GATAD2B: variants seen among roughly 807,000 people sequenced by gnomAD.
GATAD2B encodes transcriptional repressor p66-beta.
Under a neutral mutation model 64.3 loss-of-function variants are expected in GATAD2B, and 8 were observed. That is an observed-to-expected ratio of 0.12 (90% CI 0.07 to 0.22). The LOEUF is 0.22. GATAD2B is among the 10% of genes least tolerant of loss of function. The probability of loss-of-function intolerance (pLI) is 1.00; values close to 1 mark genes in which losing one functional copy is unlikely to be tolerated. For missense variants in GATAD2B, 453 were observed against 752.0 expected, an observed-to-expected ratio of 0.60 and a Z score of 4.65; for synonymous variants, 281 against 271.3, an observed-to-expected ratio of 1.04 and a Z score of -0.35.
intron 1 of GATAD2B, among the ~76,000 whole-genome samples, chr1:153,879,064 C>T (rs888791953): frequency 1.3e-5 from 2 of 152,118 alleles, no homozygotes; most frequent in African/African-American, 2.4e-5. Context: ...CTCAGCCTCC[C>T]GAGTAGCTGG....
chr1:153,821,042 T>A (rs2101884689), intron 2 of GATAD2B, among the ~76,000 whole-genome samples: 1 of 141,010 alleles, frequency 7.1e-6, no homozygotes, highest in South Asian at 2.3e-4. Context: ...CAGGCTGGAG[T>A]GTAGTGGTGC....
chr1:153,831,600 G>C (rs11264439), intron 1 of GATAD2B, among the ~76,000 whole-genome samples: 3,524 of 152,220 alleles, frequency 0.023, 136 homozygotes, highest in African/African-American at 0.078. Context: ...AGTATATTCA[G>C]AGCTGTGCAA....
chr1:153,887,551 C>T (rs971323132), intron 1 of GATAD2B, among the ~76,000 whole-genome samples: 4 of 152,128 alleles, frequency 2.6e-5, no homozygotes, highest in Admixed American at 6.5e-5. Flanking sequence ...AACAAGACTT[C>T]GAGTCCTGAG....
chr1:153,806,105 G>A lies in GATAD2B; in HGVS notation c.*4072C>T, dbSNP rs1202211873. 6.6e-6 allele frequency: 1 copy of A among 152,152 alleles called. No individual in the cohort carries two copies. Among genetic ancestry groups the A allele is most frequent in the Non-Finnish European group, 1.5e-5 (1 of 68,038 alleles). The allele number at this position is 152,152 out of a possible 1,614,324, so 9.4% of individuals were successfully genotyped here. ...ATAAGAAAGCTTGACACTGAATTTT[G>A]TTATATAGGTATATTGTATATATGC... On this transcript the variant is annotated 3_prime_UTR_variant, in exon 11 of 11. Transcript: ENST00000368655.
At chr1:153,858,397 G>A (rs963128299) in intron 1 of GATAD2B, among the ~76,000 whole-genome samples, 1 of 151,978 alleles carries the variant, frequency 6.6e-6, no homozygotes, top group Admixed American at 6.6e-5. Context: ...CAAAAAACAC[G>A]AGTTCAAGAC....
chr1:153,851,449 TAAAA>T (rs1176876480), intron 1 of GATAD2B, among the ~76,000 whole-genome samples: 1 of 151,928 alleles, frequency 6.6e-6, no homozygotes, highest in African/African-American at 2.4e-5. Context: ...CCTTGCCACT[TAAAA>T]AAAATAGCCA....
intron 1 of GATAD2B, among the ~76,000 whole-genome samples, chr1:153,831,580 AATG>A (rs1306528428): frequency 2.6e-5 from 4 of 152,240 alleles, no homozygotes; most frequent in Non-Finnish European, 5.9e-5. Context: ...TGTACAATTC[AATG>A]ATGTTTAGTA....
chr1:153,854,865 A>G (rs1404115826), intron 1 of GATAD2B, among the ~76,000 whole-genome samples: 3 of 152,226 alleles, frequency 2.0e-5, no homozygotes, highest in African/African-American at 7.2e-5. Context: ...CACTGCAGGC[A>G]TTGAGACAAT....
intron 1 of GATAD2B, among the ~76,000 whole-genome samples, chr1:153,867,408 C>G (rs1676514617): frequency 6.6e-6 from 1 of 152,090 alleles, no homozygotes; most frequent in Non-Finnish European, 1.5e-5. Context: ...GCTTGGGAGG[C>G]TGAGGCAAGA....
At position 153,843,814 on chromosome 1, in the gene GATAD2B, C is replaced by CAA. The variant is rs71584146; in HGVS notation, c.-1-15468_-1-15467dup. Among the ~76,000 whole-genome samples, 867 of 120,420 alleles carry CAA rather than the reference C, an allele frequency of 7.2e-3. 5 individuals are homozygous for CAA. Among genetic ancestry groups the CAA allele is most frequent in the South Asian group, 0.025 (93 of 3,736 alleles). 79.0% of individuals were successfully genotyped at this position (120,420 alleles called of 152,430 possible). A position where few individuals can be genotyped will look rare whatever the true frequency, so the allele number is the denominator to read the frequency against. ...CACCTAAAAGAACCACCACCACCAC[C>CAA]AAAAAAAAAAAAAAAAAACCCAAAC... On this transcript the variant is annotated intron_variant, in intron 1 of 10. Coordinates refer to ENST00000368655, the MANE Select transcript of GATAD2B (RefSeq NM_020699.4).
At chr1:153,879,073 G>C (rs1676928064) in intron 1 of GATAD2B, among the ~76,000 whole-genome samples, 1 of 152,100 alleles carries the variant, frequency 6.6e-6, no homozygotes, top group African/African-American at 2.4e-5. Context: ...CCGAGTAGCT[G>C]GGACTACAGG....
At chr1:153,907,220 C>T (rs972535487) in intron 1 of GATAD2B, among the ~76,000 whole-genome samples, 1 of 152,222 alleles carries the variant, frequency 6.6e-6, no homozygotes, top group African/African-American at 2.4e-5. Context: ...TTCACAGCAG[C>T]CTTGTTTGCA....
At chr1:153,845,314 T>C (rs1570952723) in intron 1 of GATAD2B, among the ~76,000 whole-genome samples, 1 of 151,602 alleles carries the variant, frequency 6.6e-6, no homozygotes, top group Non-Finnish European at 1.5e-5. Flanking sequence ...CACAGGAGGC[T>C]GAGGCTGCAG....
At chr1:153,916,045 C>T (rs1481807076) in intron 1 of GATAD2B, among the ~76,000 whole-genome samples, 1 of 151,908 alleles carries the variant, frequency 6.6e-6, no homozygotes, top group African/African-American at 2.4e-5. Flanking sequence ...TTTGGGAGGC[C>T]CAGGTGGGCG....
intron 1 of GATAD2B, among the ~76,000 whole-genome samples, chr1:153,918,382 T>G (rs948886841): frequency 4.6e-5 from 7 of 152,234 alleles, no homozygotes; most frequent in African/African-American, 1.7e-4. Flanking sequence ...TTCAGCAAGT[T>G]TGAGTTTAAA....
rs114053582 is a variant in GATAD2B, at chr1:153,853,084, C to G, written c.-1-24736G>C. On this transcript the variant is annotated intron_variant, in intron 1 of 10. Coordinates refer to ENST00000368655, the MANE Select transcript of GATAD2B (RefSeq NM_020699.4). ...GCATCTTTTGCCCCAGTCACAGCACCTTTGGCATTGGCAACAACCTGAGTT... is the reference window on the plus strand; with the variant it reads ...GCATCTTTTGCCCCAGTCACAGCACGTTTGGCATTGGCAACAACCTGAGTT... The G allele has an allele frequency of 1.6e-3, 2,481 of 1,510,892 alleles. 55 individuals carry two copies. In the African/African-American group the frequency reaches 0.03, roughly 18 times the overall value. The allele number at this position is 1,510,892 out of a possible 1,614,324, so 93.6% of individuals were successfully genotyped here. A position where few individuals can be genotyped will look rare whatever the true frequency, so the allele number is the denominator to read the frequency against.
rs1360657589 is a variant in GATAD2B, at chr1:153,819,066, G to C, written c.466-144C>G. 5 of 792,860 alleles carry C rather than the reference G, an allele frequency of 6.3e-6. No individual in the cohort carries two copies. The African/African-American group carries it at 8.7e-5, about 14-fold the overall frequency. 49.1% of individuals were successfully genotyped at this position (792,860 alleles called of 1,614,324 possible). ...CAATAGGATTATCTTTGTATCACTG[G>C]AGTCTGGCACAGTGCCTGGCATTCA... On this transcript the variant is annotated intron_variant, in intron 3 of 10. Coordinates refer to ENST00000368655, the MANE Select transcript of GATAD2B (RefSeq NM_020699.4).
chr1:153,861,864 GTA>G (rs1396654032), intron 1 of GATAD2B, among the ~76,000 whole-genome samples: 8 of 143,196 alleles, frequency 5.6e-5, no homozygotes, highest in Admixed American at 7.2e-5. Context: ...ATGTATATAT[GTA>G]TATATATGTG....
intron 1 of GATAD2B, among the ~76,000 whole-genome samples, chr1:153,834,206 G>A (rs988903707): frequency 8.0e-5 from 12 of 150,920 alleles, no homozygotes; most frequent in Non-Finnish European, 1.2e-4. Flanking sequence ...GGGTTTCACC[G>A]TGTCAGCCAG....
Sources: gnomAD v4.1 joint callset for allele counts (sites outside exome capture counted in the v4.1 genomes callset) on GRCh38, gnomAD v4.1.1 for gene constraint, MANE v1.5 for transcripts, NCBI Gene and HGNC (gene_info 2026-07-23, HGNC 2026-07-21) for gene names.